MED12L: variants seen among roughly 807,000 people sequenced by gnomAD.
MED12L encodes mediator of RNA polymerase II transcription subunit 12-like protein.
Under a neutral mutation model 281.3 loss-of-function variants are expected in MED12L, and 60 were observed. The ratio of observed to expected loss-of-function variants is 0.21; its 90% CI spans 0.17 to 0.26. MED12L has a LOEUF of 0.26. Ranked by LOEUF, MED12L falls within the 10% of genes least tolerant of loss-of-function variation. The probability of loss-of-function intolerance (pLI) is 1.00; values close to 1 mark genes in which losing one functional copy is unlikely to be tolerated. For missense variants in MED12L, 2,146 were observed against 2,680.9 expected (o/e 0.80, Z 4.41); for synonymous variants, 974 against 987.2 (o/e 0.99, Z 0.25).
chr3:151,097,970 G>A (rs913061187), intron 2 of MED12L, among the ~76,000 whole-genome samples: 1 of 152,230 alleles, frequency 6.6e-6, no homozygotes, highest in Non-Finnish European at 1.5e-5. Context: ...TGTAGGAGTG[G>A]ATGGGGTTGA....
intron 16 of MED12L, among the ~76,000 whole-genome samples, chr3:151,237,299 A>C (rs1733043646): frequency 6.7e-6 from 1 of 148,232 alleles, no homozygotes. Flanking sequence ...CAGCCTCCCA[A>C]AGTGCTGGGA....
At chr3:151,350,843 A>G (rs1311531904) in intron 17 of MED12L, among the ~76,000 whole-genome samples, 1 of 152,160 alleles carries the variant, frequency 6.6e-6, no homozygotes, top group Non-Finnish European at 1.5e-5. Flanking sequence ...CTGTGCCTTT[A>G]TGTTGTATCA....
At chr3:151,305,266 G>C (rs1746495051) in intron 16 of MED12L, among the ~76,000 whole-genome samples, 1 of 152,224 alleles carries the variant, frequency 6.6e-6, no homozygotes, top group Non-Finnish European at 1.5e-5. Flanking sequence ...CTTCAGCTGA[G>C]AGCTGATGAA....
rs374347776 is a variant in MED12L at position 151,424,725 on chromosome 3, T to TCTGAGAGTGTGGA, written c.6409-5562_6409-5550dup. Among the ~76,000 whole-genome samples, 9 of 152,306 alleles carry TCTGAGAGTGTGGA rather than the reference T, an allele frequency of 5.9e-5. No homozygotes were observed. In the East Asian group the frequency reaches 1.7e-3, roughly 29 times the overall value. On this transcript the variant is annotated intron_variant, in intron 43 of 44. Coordinates refer to ENST00000687756, the MANE Select transcript of MED12L (RefSeq NM_001393769.1). The stretch of plus-strand genomic sequence containing the variant: ...TGAAACACATCAGCTGCTAGCTCTG[T>TCTGAGAGTGTGGA]CTGAGAGTGTGGACTGAGAGTGTGC...
At chr3:151,354,576 A>G (rs1401513948) in intron 17 of MED12L, among the ~76,000 whole-genome samples, 1 of 152,200 alleles carries the variant, frequency 6.6e-6, no homozygotes, top group Non-Finnish European at 1.5e-5. Context: ...CCCCACCTTC[A>G]TTGTGGATAT....
intron 16 of MED12L, among the ~76,000 whole-genome samples, chr3:151,222,191 A>G (rs1036588201): frequency 6.6e-6 from 1 of 152,216 alleles, no homozygotes; most frequent in East Asian, 1.9e-4. Context: ...GTATCTAGGA[A>G]GTAACTAACT....
intron 16 of MED12L, among the ~76,000 whole-genome samples, chr3:151,211,188 A>G (rs1029967899): frequency 6.6e-6 from 1 of 152,166 alleles, no homozygotes; most frequent in Non-Finnish European, 1.5e-5. Flanking sequence ...CCTGAAAAAT[A>G]TTACTTTTGC....
In MED12L at chr3:151,198,399, G is replaced by A. The variant is rs1463318710; in HGVS notation, c.2250+4733G>A. 2.0e-6 allele frequency: 3 copies of A among 1,535,482 alleles called. No individual in the cohort carries two copies. The South Asian group carries it at 3.7e-5, about 19-fold the overall frequency. ...TTAACTTTATGGTCCAGTAAGGCCAGAATTGGTAGCACAAAAAATCCTGTC... is the reference window on the plus strand; with the variant it reads ...TTAACTTTATGGTCCAGTAAGGCCAAAATTGGTAGCACAAAAAATCCTGTC... On this transcript the variant is annotated intron_variant, in intron 16 of 44. Coordinates refer to ENST00000687756, the MANE Select transcript of MED12L (RefSeq NM_001393769.1).
intron 16 of MED12L, chr3:151,213,666 G>A (rs543916088): frequency 1.2e-6 from 2 of 1,614,158 alleles, no homozygotes; most frequent in Non-Finnish European, 1.7e-6. Context: ...TTGACTTAAG[G>A]TGGGACTTAA....
intron 16 of MED12L, among the ~76,000 whole-genome samples, chr3:151,223,805 G>GT (rs1729905181): frequency 6.6e-6 from 1 of 152,114 alleles, no homozygotes; most frequent in Admixed American, 6.5e-5. Flanking sequence ...ATATACCCAA[G>GT]TAACAAACTT....
At chr3:151,122,742 T>G in intron 3 of MED12L, 41 bp from the exon 4 acceptor site, 1 of 1,446,558 alleles carries the variant, frequency 6.9e-7, no homozygotes, top group Non-Finnish European at 9.3e-7. Context: ...AGCTACTTGC[T>G]TATTGTCTTA....
chr3:151,096,528 T>C (rs1319854365), intron 2 of MED12L, among the ~76,000 whole-genome samples: 1 of 152,072 alleles, frequency 6.6e-6, no homozygotes, highest in Non-Finnish European at 1.5e-5. Flanking sequence ...CTATCAGAAA[T>C]GGAGGGGGAG....
chr3:151,106,720 T>A (rs897378765), intron 2 of MED12L, among the ~76,000 whole-genome samples: 2 of 152,206 alleles, frequency 1.3e-5, no homozygotes, highest in African/African-American at 4.8e-5. Flanking sequence ...CACCAATGAT[T>A]GTTATGCCTT....
chr3:151,213,555 G>A lies in MED12L; in HGVS notation c.2250+19889G>A, dbSNP rs141983619. The A allele has an allele frequency of 1.3e-3, 2,130 of 1,614,144 alleles. 3 individuals carry two copies. The highest frequency in any genetic ancestry group is 1.3e-3 in the Non-Finnish European group (1,577 of 1,180,008). ...CTTCGGTCTGACTCTTTGTGTAGGG[G>A]ATTCTGGCAATATGGTAAGGTACAA... On this transcript the variant is annotated intron_variant, in intron 16 of 44. Transcript: ENST00000687756.
Position 151,156,286 on chromosome 3 carries a change from A to C in MED12L, c.682A>C (p.Lys228Gln). The change falls in exon 6 of 45, where the codon AAG becomes CAG. Residue 228 changes from lysine (K) to glutamine (Q), a missense_variant. By Grantham distance (53) the Lys-to-Gln change is moderately conservative (BLOSUM62 1). This residue lies in a region of MED12L where 722 missense variants were observed against 861.2 expected (regional missense o/e 0.84). Transcript: ENST00000687756. ...GCCACCAGAGGTGGAGCAAGCCATG[A>C]AGCAATGGGAATACAACGAAAAGCT... Reference protein sequence around the residue: ...PVPPEVEQAMKQWEYNEKLAF... With the variant: ...PVPPEVEQAMQQWEYNEKLAF... 1 of 1,612,746 alleles carries C rather than the reference A, an allele frequency of 6.2e-7. No individual in the cohort carries two copies. The highest frequency in any genetic ancestry group is 8.5e-7 in the Non-Finnish European group (1 of 1,179,524).
At chr3:151,258,206 G>A (rs1420338844) in intron 16 of MED12L, among the ~76,000 whole-genome samples, 1 of 152,154 alleles carries the variant, frequency 6.6e-6, no homozygotes, top group African/African-American at 2.4e-5. Flanking sequence ...GGATTAGAAA[G>A]ATCTGGAAGC....
chr3:151,354,089 C>G (rs111980804), intron 17 of MED12L, among the ~76,000 whole-genome samples: 2 of 135,072 alleles, frequency 1.5e-5, no homozygotes, highest in South Asian at 4.7e-4. Context: ...TGCAGTGAGC[C>G]GAGATCCCGC....
intron 16 of MED12L, chr3:151,300,281 A>G (rs1745725615): frequency 3.2e-6 from 2 of 629,074 alleles, no homozygotes; most frequent in Admixed American, 2.5e-5. Flanking sequence ...CAGTTAAAGC[A>G]ATTGCCTCCA....
chr3:151,291,281 C>G (rs765716609), intron 16 of MED12L, among the ~76,000 whole-genome samples: 1 of 148,656 alleles, frequency 6.7e-6, no homozygotes, highest in Non-Finnish European at 1.5e-5. Flanking sequence ...AAAATTTTGA[C>G]GTATTTAAAT....
Sources: allele counts gnomAD v4.1 joint callset (sites outside exome capture counted in the v4.1 genomes callset), GRCh38; gene constraint gnomAD v4.1.1; regional missense constraint gnomAD v4.1.1; transcripts MANE v1.5; gene names NCBI Gene and HGNC (gene_info 2026-07-23, HGNC 2026-07-21).